FBXO8: variants seen among roughly 807,000 people sequenced by gnomAD.
FBXO8 encodes F-box protein 8.
A neutral mutation model predicts 33.4 loss-of-function variants in FBXO8; 15 were observed. The observed-to-expected ratio is 0.45, with a 90% CI of 0.30 to 0.69. The LOEUF (loss-of-function observed/expected upper bound fraction) is 0.69. Among genes scored for constraint, FBXO8 ranks in the 30% least tolerant of loss-of-function variants. The probability of loss-of-function intolerance (pLI) is 0.08; values close to 1 mark genes in which losing one functional copy is unlikely to be tolerated. For synonymous variants in FBXO8, 132 were observed against 131.5 expected (o/e 1.00, Z -0.02); for missense variants, 274 against 380.3 (o/e 0.72, Z 2.32).
chr4:174,273,408 C>T (rs950797712), intron 1 of FBXO8, among the ~76,000 whole-genome samples: 1 of 149,634 alleles, frequency 6.7e-6, no homozygotes, highest in African/African-American at 2.5e-5. Flanking sequence ...CACCGAAATG[C>T]AGTATGTCAA....
chr4:174,243,621 T>C (rs1736095863), intron 3 of FBXO8, among the ~76,000 whole-genome samples: 2 of 150,820 alleles, frequency 1.3e-5, no homozygotes, highest in Non-Finnish European at 3.0e-5. Flanking sequence ...TGAGGTCTGT[T>C]GAATAACTAC....
intron 4 of FBXO8, among the ~76,000 whole-genome samples, 176 bp from the exon 5 acceptor site, chr4:174,239,366 T>A (rs1163193609): frequency 6.6e-6 from 1 of 151,850 alleles, no homozygotes; most frequent in Non-Finnish European, 1.5e-5. Flanking sequence ...TATGATTATT[T>A]AAGAAGTTAA....
intron 1 of FBXO8, among the ~76,000 whole-genome samples, chr4:174,276,266 C>G (rs1452581476): frequency 6.6e-6 from 1 of 152,108 alleles, no homozygotes; most frequent in Non-Finnish European, 1.5e-5. Context: ...GAGTTGGAGT[C>G]TTGCTCTGTT....
rs1038485429 is a variant in FBXO8, at chr4:174,262,467, T to C, written c.329+297A>G. On this transcript the variant is annotated intron_variant, in intron 2 of 5. Coordinates refer to ENST00000393674, the MANE Select transcript of FBXO8 (RefSeq NM_012180.3). The surrounding 1 kb of genome is among the most constrained non-coding windows in gnomAD (Gnocchi z 4.6). ...AATTAGAAATTCTCACTCCACAACT[T>C]TGCGGTATTTTCAGAATAAAGTGAG... is the stretch of plus-strand genomic sequence containing the variant. Among the ~76,000 whole-genome samples, 1 of 152,150 alleles carries C rather than the reference T, an allele frequency of 6.6e-6. No homozygotes were observed. The highest frequency in any genetic ancestry group is 1.5e-5 in the Non-Finnish European group (1 of 68,022).
chr4:174,242,458 C>T (rs1442829656), intron 3 of FBXO8, among the ~76,000 whole-genome samples: 1 of 151,422 alleles, frequency 6.6e-6, no homozygotes, highest in Non-Finnish European at 1.5e-5. Flanking sequence ...TTATATAAAA[C>T]TAACTTTATG....
Position 174,262,894 on chromosome 4 carries a change from C to G in FBXO8, c.199G>C (p.Gly67Arg). ...GGCAACATTTCCAAATTAATGAATC[C>G]TTCCTGTTCTTTCGATTTCCTTGCC... ...LKARKSKEQEGFINLEMLPPE... is the reference protein window; with the variant it reads ...LKARKSKEQERFINLEMLPPE... The change falls in exon 2 of 6, where the codon GGA becomes CGA. Residue 67 changes from glycine (G) to arginine (R), a missense_variant. Coordinates refer to ENST00000393674, the MANE Select transcript of FBXO8 (RefSeq NM_012180.3). The surrounding 1 kb of genome is among the most constrained non-coding windows in gnomAD (Gnocchi z 4.6). The G allele has an allele frequency of 6.2e-7, 1 of 1,614,010 alleles. No homozygotes were observed. Among genetic ancestry groups the G allele is most frequent in the Non-Finnish European group, 8.5e-7 (1 of 1,179,936 alleles).
rs1736997014 is a variant in FBXO8 at position 174,278,153 on chromosome 4, T to TTTC, written c.-9+5256_-9+5257insGAA. 6.6e-6 allele frequency among the ~76,000 whole-genome samples: 1 copy of TTTC among 151,714 alleles called. No homozygotes were observed. The highest frequency in any genetic ancestry group is 2.1e-4 in the South Asian group (1 of 4,814). ...TTTAAAGGCAACAAATGTAGAGAAATAAAGGAAGGGTAAGTCCACAAGGAG... is the reference window on the plus strand; with the variant it reads ...TTTAAAGGCAACAAATGTAGAGAAATTTCAAAGGAAGGGTAAGTCCACAAGGAG... On this transcript the variant is annotated intron_variant, in intron 1 of 5. Transcript: ENST00000393674. The surrounding 1 kb of genome is among the most constrained non-coding windows in gnomAD (Gnocchi z 4.1).
chr4:174,258,508 TTAAA>T (rs1736467367), intron 3 of FBXO8, among the ~76,000 whole-genome samples: 1 of 152,146 alleles, frequency 6.6e-6, no homozygotes, highest in Admixed American at 6.6e-5. Flanking sequence ...TAATACCTCT[TTAAA>T]TAGTGATGAA....
Position 174,247,296 on chromosome 4 carries a change from A to G in FBXO8, c.457-6078T>C, listed in dbSNP as rs1736182361. ...AAAACAAAACTGTCACATACTAGGG[A>G]GTACCTTTAATTTTTTTCCTAAAGA... On this transcript the variant is annotated intron_variant, in intron 3 of 5. Transcript: ENST00000393674. The surrounding 1 kb of genome is among the most constrained non-coding windows in gnomAD (Gnocchi z 4.6). Among the ~76,000 whole-genome samples the G allele has an allele frequency of 6.6e-6, 1 of 151,988 alleles. No individual in the cohort carries two copies. The highest frequency in any genetic ancestry group is 2.4e-5 in the African/African-American group (1 of 41,406).
In FBXO8 at chr4:174,277,163, A is replaced by G. The variant is rs897289376; in HGVS notation, c.-9+6247T>C. On this transcript the variant is annotated intron_variant, in intron 1 of 5. Coordinates refer to ENST00000393674, the MANE Select transcript of FBXO8 (RefSeq NM_012180.3). The surrounding 1 kb of genome is among the most constrained non-coding windows in gnomAD (Gnocchi z 4.9). Reference sequence around the variant, plus strand: ...ACATTTATTAAAATTTATAAGAACAATAATAGTTTTCTATACTTTTTAACT... The same window carrying G: ...ACATTTATTAAAATTTATAAGAACAGTAATAGTTTTCTATACTTTTTAACT... Among the ~76,000 whole-genome samples the G allele has an allele frequency of 2.6e-5, 4 of 152,182 alleles. No homozygotes were observed. The highest frequency in any genetic ancestry group is 5.9e-5 in the Non-Finnish European group (4 of 68,012).
rs2126442160 is a variant in FBXO8 at position 174,267,757 on chromosome 4, A to G, written c.-8-4657T>C. Among the ~76,000 whole-genome samples the G allele has an allele frequency of 6.6e-6, 1 of 152,318 alleles. No homozygotes were observed. Among genetic ancestry groups the G allele is most frequent in the Non-Finnish European group, 1.5e-5 (1 of 68,010 alleles). On this transcript the variant is annotated intron_variant, in intron 1 of 5. Coordinates refer to ENST00000393674, the MANE Select transcript of FBXO8 (RefSeq NM_012180.3). This position sits in a 1 kb window ranked among gnomAD's most constrained non-coding sequence, Gnocchi z 4.7. ...GTTTTAATAATATCTTGGTATAAAG[A>G]TTTTAAAACTGAAACATAATATTAT...
intron 2 of FBXO8, among the ~76,000 whole-genome samples, chr4:174,260,602 G>A (rs942729141): frequency 2.6e-5 from 4 of 151,844 alleles, no homozygotes; most frequent in African/African-American, 4.8e-5. Flanking sequence ...CTATAAAACC[G>A]AAAATACTAA....
chr4:174,263,073 C>G lies in FBXO8; in HGVS notation c.20G>C (p.Arg7Thr). MGQGLWRVVRNQQLQQE... is the reference protein window; with the variant it reads MGQGLWTVVRNQQLQQE... ...TTGCAGCTGCTGGTTTCTGACCACTCTCCACAACCCTTGACCCATCTGCAA... is the reference window on the plus strand; with the variant it reads ...TTGCAGCTGCTGGTTTCTGACCACTGTCCACAACCCTTGACCCATCTGCAA... The change falls in exon 2 of 6, where the codon AGA becomes ACA. Residue 7 changes from arginine to threonine, a missense_variant. Transcript: ENST00000393674. This position sits in a 1 kb window ranked among gnomAD's most constrained non-coding sequence, Gnocchi z 4.2. The G allele has an allele frequency of 6.2e-7, 1 of 1,613,778 alleles. No homozygotes were observed. The highest frequency in any genetic ancestry group is 8.5e-7 in the Non-Finnish European group (1 of 1,179,862).
In FBXO8 at chr4:174,275,906, AGTAAGGTACAAAT is replaced by A. The variant is rs1736950302; in HGVS notation, c.-9+7491_-9+7503del. On this transcript the variant is annotated intron_variant, in intron 1 of 5. Coordinates refer to ENST00000393674, the MANE Select transcript of FBXO8 (RefSeq NM_012180.3). This position sits in a 1 kb window ranked among gnomAD's most constrained non-coding sequence, Gnocchi z 4.4. ...CTTACATAGGATATATAAACAACAG[AGTAAGGTACAAAT>A]GCAAAAAGGATCGATATTTGTGTAA... is the stretch of plus-strand genomic sequence containing the variant. Among the ~76,000 whole-genome samples, 1 of 152,232 alleles carries A rather than the reference AGTAAGGTACAAAT, an allele frequency of 6.6e-6. No homozygotes were observed. The highest frequency in any genetic ancestry group is 2.4e-5 in the African/African-American group (1 of 41,476).
chr4:174,256,115 G>A lies in FBXO8; in HGVS notation c.456+3584C>T, dbSNP rs1222140103. On this transcript the variant is annotated intron_variant, in intron 3 of 5. Coordinates refer to ENST00000393674, the MANE Select transcript of FBXO8 (RefSeq NM_012180.3). The surrounding 1 kb of genome is among the most constrained non-coding windows in gnomAD (Gnocchi z 4.6). The stretch of plus-strand genomic sequence containing the variant: ...GGTTACCCATATCCGTGACATGAAC[G>A]GTGTCCTTTGGAGAATCTTGTTCCC... The A allele has an allele frequency of 1.1e-5, 5 of 455,912 alleles. No individual in the cohort carries two copies. The highest frequency in any genetic ancestry group is 4.7e-5 in the Admixed American group (2 of 42,528). The allele number at this position is 455,912 out of a possible 1,614,324, so 28.2% of individuals were successfully genotyped here. A position where few individuals can be genotyped will look rare whatever the true frequency, so the allele number is the denominator to read the frequency against.
chr4:174,273,896 G>T (rs1736895117), intron 1 of FBXO8, among the ~76,000 whole-genome samples: 1 of 152,098 alleles, frequency 6.6e-6, no homozygotes, highest in South Asian at 2.1e-4. Flanking sequence ...ACAGACTGAA[G>T]ACCATTACTA....
chr4:174,237,212 T>C lies in FBXO8; in HGVS notation c.*200A>G, dbSNP rs569315010. ...TTGTGCAAAACGTGATAAACAAAAT[T>C]AGGAAAAATTCTGCAAAATTATTTA... On this transcript the variant is annotated 3_prime_UTR_variant, in exon 6 of 6. Coordinates refer to ENST00000393674, the MANE Select transcript of FBXO8 (RefSeq NM_012180.3). This position sits in a 1 kb window ranked among gnomAD's most constrained non-coding sequence, Gnocchi z 4.4. 22 of 481,894 alleles carry C rather than the reference T, an allele frequency of 4.6e-5. No individual in the cohort carries two copies. The highest frequency in any genetic ancestry group is 4.0e-4 in the African/African-American group (21 of 52,268). The allele number at this position is 481,894 out of a possible 1,614,324, so 29.9% of individuals were successfully genotyped here.
chr4:174,262,702 G>T lies in FBXO8; in HGVS notation c.329+62C>A. 2 of 1,389,884 alleles carry T rather than the reference G, an allele frequency of 1.4e-6. No individual in the cohort carries two copies. The highest frequency in any genetic ancestry group is 1.3e-5 in the South Asian group (1 of 78,428). 86.1% of individuals were successfully genotyped at this position (1,389,884 alleles called of 1,614,324 possible). ...TATTTTGTAATATACATTATAAAAA[G>T]AACATTGAAGCATGATTATGTTTAG... On this transcript the variant is annotated intron_variant, in intron 2 of 5. Transcript: ENST00000393674. This position sits in a 1 kb window ranked among gnomAD's most constrained non-coding sequence, Gnocchi z 4.6.
At position 174,278,860 on chromosome 4, in the gene FBXO8, A is replaced by G. The variant is rs1211158502; in HGVS notation, c.-9+4550T>C. Among the ~76,000 whole-genome samples, 1 of 152,134 alleles carries G rather than the reference A, an allele frequency of 6.6e-6. No homozygotes were observed. Among genetic ancestry groups the G allele is most frequent in the Non-Finnish European group, 1.5e-5 (1 of 67,966 alleles). Reference sequence around the variant, plus strand: ...AAATAGGAGGAAGGTGAAAAATGAGAAAACATTTAATAGTGAAAAGAGACT... The same window carrying G: ...AAATAGGAGGAAGGTGAAAAATGAGGAAACATTTAATAGTGAAAAGAGACT... On this transcript the variant is annotated intron_variant, in intron 1 of 5. Coordinates refer to ENST00000393674, the MANE Select transcript of FBXO8 (RefSeq NM_012180.3). The surrounding 1 kb of genome is among the most constrained non-coding windows in gnomAD (Gnocchi z 4.1).
Sources: allele counts gnomAD v4.1 joint callset (sites outside exome capture counted in the v4.1 genomes callset), GRCh38; gene constraint gnomAD v4.1.1; non-coding constraint Gnocchi (gnomAD v3.1); transcripts MANE v1.5; gene names NCBI Gene and HGNC (gene_info 2026-07-23, HGNC 2026-07-21).